The following BIRC6 variants were observed in gnomAD, a reference collection of about 807,000 sequenced individuals.
BIRC6 encodes dual E2 ubiquitin-conjugating enzyme/E3 ubiquitin-protein ligase BIRC6.
A neutral mutation model predicts 503.3 loss-of-function variants in BIRC6; 98 were observed. That is an observed-to-expected ratio of 0.19 (90% CI 0.17 to 0.23). The LOEUF (loss-of-function observed/expected upper bound fraction) is 0.23, where lower values mean the gene tolerates loss of function less well. BIRC6 is among the 10% of genes least tolerant of loss of function. The pLI is 1.00. For missense variants in BIRC6, 5,360 were observed against 5,806.0 expected (o/e 0.92, Z 2.50); for synonymous variants, 2,240 against 2,078.7 (o/e 1.08, Z -2.11).
At chr2:32,562,993 T>C (rs1470315476) in intron 65 of BIRC6, among the ~76,000 whole-genome samples, 2 of 152,256 alleles carry the variant, frequency 1.3e-5, no homozygotes, top group Admixed American at 1.3e-4. Flanking sequence ...CGCAGCATTA[T>C]AGTCAGGTGG....
intron 56 of BIRC6, 36 bp from the exon 57 acceptor site, chr2:32,518,780 AG>A (rs1558955226): frequency 6.3e-7 from 1 of 1,596,828 alleles, no homozygotes; most frequent in South Asian, 1.1e-5. Flanking sequence ...TATTCCAAAA[AG>A]TTACTTCCTG....
intron 33 of BIRC6, among the ~76,000 whole-genome samples, chr2:32,475,231 A>T (rs1008092160): frequency 6.6e-6 from 1 of 151,932 alleles, no homozygotes; most frequent in Non-Finnish European, 1.5e-5. Flanking sequence ...AAGACTTAAT[A>T]AGCTGCTAAC....
chr2:32,487,381 TA>T (rs2051125937), intron 40 of BIRC6, among the ~76,000 whole-genome samples: 1 of 152,170 alleles, frequency 6.6e-6, no homozygotes, highest in South Asian at 2.1e-4. Context: ...AAAATGCAAA[TA>T]AAAATTGCTA....
At chr2:32,524,043 TAA>T (rs72216981) in intron 57 of BIRC6, among the ~76,000 whole-genome samples, 86 of 143,624 alleles carry the variant, frequency 6.0e-4, no homozygotes, top group African/African-American at 6.1e-4. Context: ...GACCTTATCT[TAA>T]AAAAAAAAAA....
At chr2:32,373,581 C>T (rs922451330) in intron 1 of BIRC6, among the ~76,000 whole-genome samples, 5 of 152,066 alleles carry the variant, frequency 3.3e-5, no homozygotes, top group Admixed American at 1.3e-4. Context: ...AATACAACAA[C>T]GGAGAATAAG....
At chr2:32,470,572 G>A (rs1282534464) in intron 31 of BIRC6, among the ~76,000 whole-genome samples, 1 of 152,076 alleles carries the variant, frequency 6.6e-6, no homozygotes, top group Non-Finnish European at 1.5e-5. Context: ...ATAAGTTTGA[G>A]CTGTAAGGCA....
chr2:32,490,109 G>A lies in BIRC6; in HGVS notation c.8164G>A (p.Val2722Met), dbSNP rs780080303. 6.2e-6 allele frequency: 10 copies of A among 1,613,274 alleles called. No homozygotes were observed. Among genetic ancestry groups the A allele is most frequent in the African/African-American group, 1.3e-5 (1 of 74,898 alleles). ...PNTLLRTWCL[V>M]LHSLTLMTNM... ...TACTTTGCTCCGGACATGGTGCCTT[G>A]TGCTTCATAGCCTAACACTCATGAC... is the stretch of plus-strand genomic sequence containing the variant. The change falls in exon 43 of 74, where the codon GTG becomes ATG. Residue 2722 changes from valine (V) to methionine (M), a missense_variant. By Grantham distance (21) the Val-to-Met change is conservative. This residue lies in a region of BIRC6 where 2,299 missense variants were observed against 2,267.2 expected (regional missense o/e 1.01). Coordinates refer to ENST00000421745, the MANE Select transcript of BIRC6 (RefSeq NM_016252.4).
chr2:32,361,107 T>C (rs991388456), intron 1 of BIRC6, among the ~76,000 whole-genome samples: 1 of 151,866 alleles, frequency 6.6e-6, no homozygotes, highest in Admixed American at 6.6e-5. Context: ...TTTTTATTTT[T>C]TATTTTTAGT....
chr2:32,540,377 T>C (rs901750245), intron 61 of BIRC6, among the ~76,000 whole-genome samples: 9 of 152,068 alleles, frequency 5.9e-5, no homozygotes, highest in African/African-American at 1.9e-4. Flanking sequence ...ATAAATCATA[T>C]CCTGTTCATC....
In BIRC6 at chr2:32,414,863, T is replaced by G. The variant is rs750907400; in HGVS notation, c.1572T>G (p.Val524=). 6.2e-7 allele frequency: 1 copy of G among 1,613,998 alleles called. No individual in the cohort carries two copies. Among genetic ancestry groups the G allele is most frequent in the East Asian group, 2.2e-5 (1 of 44,874 alleles). The change falls in exon 10 of 74, where the codon GTT becomes GTG. Residue 524 remains valine (V), a synonymous_variant. Coordinates refer to ENST00000421745, the MANE Select transcript of BIRC6 (RefSeq NM_016252.4). ...QQPEKLQWEI[V]ANVLEDTVKD... is the part of the protein sequence containing the mutation. ...CAGAAAAACTTCAGTGGGAGATTGT[T>G]GCAAATGTGCTTGAAGATACTGTTA...
Position 32,414,927 on chromosome 2 carries a change from A to C in BIRC6, c.1636A>C (p.Asn546His). The change falls in exon 10 of 74, where the codon AAC (asparagine) becomes CAC (histidine). Residue 546 changes from asparagine (N) to histidine (H), a missense_variant. Asn to His is a moderately conservative substitution (Grantham distance 68). This residue lies in a region of BIRC6 where 700 missense variants were observed against 739.3 expected (regional missense o/e 0.95). Transcript: ENST00000421745. ...ACTTGGGGCAAATCCTTGTTTAACA[A>C]ACTCTAAGAGTGAAAAGACAAAGGA... ...EELGANPCLT[N>H]SKSEKTKEKH... 1 of 1,613,972 alleles carries C rather than the reference A, an allele frequency of 6.2e-7. No individual in the cohort carries two copies. The highest frequency in any genetic ancestry group is 2.2e-5 in the East Asian group (1 of 44,866).
intron 46 of BIRC6, 63 bp from the exon 47 acceptor site, chr2:32,501,650 C>T: frequency 1.4e-6 from 2 of 1,404,554 alleles, no homozygotes; most frequent in Non-Finnish European, 1.9e-6. Flanking sequence ...AGATTACAGG[C>T]ATGAGCCACT....
rs769678492 is a variant in BIRC6 at position 32,548,021 on chromosome 2, T to G, written c.12975+7T>G. 1 of 1,584,646 alleles carries G rather than the reference T, an allele frequency of 6.3e-7. No individual in the cohort carries two copies. The highest frequency in any genetic ancestry group is 1.2e-5 in the South Asian group (1 of 84,940). ...TGTTACCTGCCTTCTGCAGGTATAT[T>G]TGTAAACTTGATATTGTTCATGATA... On this transcript the variant is annotated splice_region_variant and intron_variant, in intron 64 of 73. Coordinates refer to ENST00000421745, the MANE Select transcript of BIRC6 (RefSeq NM_016252.4).
Position 32,476,913 on chromosome 2 carries a change from C to T in BIRC6, c.6853-455C>T, listed in dbSNP as rs74493008. 3.1e-3 allele frequency among the ~76,000 whole-genome samples: 476 copies of T among 152,068 alleles called. 10 individuals are homozygous for T. In the East Asian group the frequency reaches 0.064, roughly 21 times the overall value. ...TACTTTTTAAAATTTTGAGGGATAC[C>T]GTGTATGTATCAAACAAGTTTGTAG... is the stretch of plus-strand genomic sequence containing the variant. On this transcript the variant is annotated intron_variant, in intron 34 of 73. Coordinates refer to ENST00000421745, the MANE Select transcript of BIRC6 (RefSeq NM_016252.4).
intron 57 of BIRC6, among the ~76,000 whole-genome samples, chr2:32,520,455 TAGAC>T (rs1183309695): frequency 1.3e-5 from 2 of 152,358 alleles, no homozygotes; most frequent in South Asian, 2.1e-4. Context: ...AATTTGATGT[TAGAC>T]AGTATTTTCT....
intron 65 of BIRC6, among the ~76,000 whole-genome samples, chr2:32,550,380 T>C (rs1185818597): frequency 6.6e-6 from 1 of 152,160 alleles, no homozygotes; most frequent in Non-Finnish European, 1.5e-5. Context: ...AGGAAGATTG[T>C]TGTCCTTTAA....
chr2:32,516,951 A>AGT (rs2055117899), intron 55 of BIRC6, among the ~76,000 whole-genome samples: 3 of 152,312 alleles, frequency 2.0e-5, no homozygotes, highest in East Asian at 3.9e-4. Flanking sequence ...GTTATTTAAT[A>AGT]GTGCTCATTC....
intron 57 of BIRC6, among the ~76,000 whole-genome samples, chr2:32,521,643 ATTT>A (rs34394759): frequency 1.4e-4 from 20 of 140,888 alleles, no homozygotes; most frequent in Admixed American, 3.5e-4. Context: ...TAATTTTTGT[ATTT>A]TTTTTTTTTT....
At chr2:32,425,546 G>C (rs1354353974) in intron 10 of BIRC6, among the ~76,000 whole-genome samples, 3 of 151,198 alleles carry the variant, frequency 2.0e-5, no homozygotes, top group Non-Finnish European at 4.4e-5. Flanking sequence ...GGTACCTCTA[G>C]AAATCTTATT....
Sources: allele counts gnomAD v4.1 joint callset (sites outside exome capture counted in the v4.1 genomes callset), GRCh38; gene constraint gnomAD v4.1.1; regional missense constraint gnomAD v4.1.1; transcripts MANE v1.5; gene names NCBI Gene and HGNC (gene_info 2026-07-23, HGNC 2026-07-21).